PDS5A: variants seen among roughly 807,000 people sequenced by gnomAD.
The protein encoded by PDS5A is sister chromatid cohesion protein PDS5 homolog A.
A neutral mutation model predicts 167.1 loss-of-function variants in PDS5A; 42 were observed. The ratio of observed to expected loss-of-function variants is 0.25; its 90% CI spans 0.20 to 0.33. PDS5A has a LOEUF of 0.33. PDS5A is among the 10% of genes least tolerant of loss of function. The pLI, the probability that PDS5A is intolerant of heterozygous loss-of-function variation, is 1.00. For missense variants in PDS5A, 1,033 were observed against 1,605.9 expected (o/e 0.64, Z 6.10); for synonymous variants, 553 against 554.6 (o/e 1.00, Z 0.04).
At chr4:39,842,108 ACT>A (rs2109495886) in intron 30 of PDS5A, 52 bp from the exon 31 acceptor site, 1 of 1,143,676 alleles carries the variant, frequency 8.7e-7, no homozygotes, top group East Asian at 2.3e-5. Context: ...GAGAAAGTTC[ACT>A]CTCTCACCGT....
At chr4:39,953,460 G>A (rs1434789275) in intron 2 of PDS5A, among the ~76,000 whole-genome samples, 1 of 151,162 alleles carries the variant, frequency 6.6e-6, no homozygotes, top group African/African-American at 2.4e-5. Flanking sequence ...ACTGGGAGTG[G>A]TGGCTCACAA....
At chr4:39,835,711 T>A (rs50297) in intron 32 of PDS5A, among the ~76,000 whole-genome samples, 2 of 151,944 alleles carry the variant, frequency 1.3e-5, no homozygotes, top group African/African-American at 4.8e-5. Flanking sequence ...TTAGTAGAAA[T>A]GGGGTTTCTC....
intron 5 of PDS5A, among the ~76,000 whole-genome samples, chr4:39,924,256 C>A (rs529857394): frequency 1.8e-4 from 27 of 152,080 alleles, no homozygotes; most frequent in Non-Finnish European, 3.1e-4. Flanking sequence ...AAATCCAACC[C>A]AAATAAAATC....
At position 39,838,097 on chromosome 4, in the gene PDS5A, C is replaced by T; in HGVS notation, c.3769G>A (p.Val1257Ile). The T allele has an allele frequency of 6.2e-7, 1 of 1,613,908 alleles. No individual in the cohort carries two copies. Reference sequence around the variant, plus strand: ...GGGGCGGGAGGTCCCGATTCATCTACTTTCTCATCTGTTTTTTGTTGGATA... The same window carrying T: ...GGGGCGGGAGGTCCCGATTCATCTATTTTCTCATCTGTTTTTTGTTGGATA... ...ENIQQKTDEK[V>I]DESGPPAPSK... Residue 1257 changes from valine (V) to isoleucine (I), a missense_variant, in exon 32 of 33, where the codon GTA becomes ATA. By Grantham distance (29) the Val-to-Ile change is conservative. Coordinates refer to ENST00000303538, the MANE Select transcript of PDS5A (RefSeq NM_001100399.2).
At chr4:39,973,527 AT>A in intron 2 of PDS5A, 1 of 1,336,246 alleles carries the variant, frequency 7.5e-7, no homozygotes. Context: ...AGTTTTCTCC[AT>A]TTGGTACAAT....
At chr4:39,883,443 A>G (rs1365057936) in intron 17 of PDS5A, among the ~76,000 whole-genome samples, 1 of 152,194 alleles carries the variant, frequency 6.6e-6, no homozygotes, top group Non-Finnish European at 1.5e-5. Flanking sequence ...GGCCTCCCAA[A>G]GTGTTGGGAT....
intron 2 of PDS5A, among the ~76,000 whole-genome samples, chr4:39,963,682 A>C (rs959464380): frequency 1.3e-5 from 2 of 151,982 alleles, no homozygotes; most frequent in Admixed American, 1.3e-4. Context: ...AACTATAAAA[A>C]TTAGCCCAGC....
At chr4:39,919,383 C>T (rs35833876) in intron 7 of PDS5A, among the ~76,000 whole-genome samples, 11,123 of 152,234 alleles carry the variant, frequency 0.073, 454 homozygotes, top group Middle Eastern at 0.14. Flanking sequence ...CGGTGGCTCA[C>T]GCCTGTAATC....
rs1716572500 is a variant in PDS5A, at chr4:39,837,846, C to T, written c.4010+10G>A. 5 of 1,578,804 alleles carry T rather than the reference C, an allele frequency of 3.2e-6. No homozygotes were observed. Among genetic ancestry groups the T allele is most frequent in the East Asian group, 2.2e-5 (1 of 44,668 alleles). On this transcript the variant is annotated intron_variant, in intron 32 of 32. Coordinates refer to ENST00000303538, the MANE Select transcript of PDS5A (RefSeq NM_001100399.2). ...TAAATTCCCACTTGAGGAAGAATGG[C>T]GTACATTACCTTTGTAAGTCAATTT...
chr4:39,963,289 G>C (rs1729666281), intron 2 of PDS5A, among the ~76,000 whole-genome samples: 1 of 151,946 alleles, frequency 6.6e-6, no homozygotes, highest in Non-Finnish European at 1.5e-5. Context: ...TACTCCATCT[G>C]TATTAAAATA....
At chr4:39,920,274 T>C (rs1384894578) in intron 7 of PDS5A, 45 bp downstream of exon 7, 2 of 831,436 alleles carry the variant, frequency 2.4e-6, no homozygotes, top group African/African-American at 3.5e-5. Context: ...ATACAATGGA[T>C]TAAGAATTAC....
intron 5 of PDS5A, 49 bp downstream of exon 5, chr4:39,925,787 A>G: frequency 1.4e-6 from 1 of 693,080 alleles, no homozygotes; most frequent in Non-Finnish European, 2.4e-6. Context: ...ACATCTGAAT[A>G]CATAATCAAG....
At chr4:39,957,786 CAAAAAAAAAAA>C (rs34253629) in intron 2 of PDS5A, among the ~76,000 whole-genome samples, 2 of 87,770 alleles carry the variant, frequency 2.3e-5, no homozygotes, top group South Asian at 7.3e-4. Flanking sequence ...GACTCCATCT[CAAAAAAAAAAA>C]AAAAAAAAAG....
intron 4 of PDS5A, 35 bp downstream of exon 4, chr4:39,926,740 A>C: frequency 7.9e-7 from 1 of 1,262,364 alleles, no homozygotes; most frequent in South Asian, 1.7e-5. Context: ...CATGTGAAAT[A>C]ATGTTAATAG....
intron 17 of PDS5A, among the ~76,000 whole-genome samples, chr4:39,889,831 C>CG (rs1387841310): frequency 3.9e-5 from 6 of 152,142 alleles, no homozygotes; most frequent in African/African-American, 1.4e-4. Context: ...TAAAGATAAT[C>CG]CTCTCCTCTT....
chr4:39,846,078 C>A, intron 28 of PDS5A, 198 bp from the exon 29 acceptor site: 1 of 395,646 alleles, frequency 2.5e-6, no homozygotes, highest in Non-Finnish European at 4.0e-6. Context: ...AAACTGATGG[C>A]ACGCAGACTT....
intron 26 of PDS5A, among the ~76,000 whole-genome samples, chr4:39,861,376 T>G (rs1260184086): frequency 1.3e-5 from 2 of 152,048 alleles, no homozygotes; most frequent in Non-Finnish European, 2.9e-5. Flanking sequence ...GAGAATCACT[T>G]GAACTAGGGA....
chr4:39,916,922 GA>G, intron 8 of PDS5A, 125 bp downstream of exon 8: 1 of 486,768 alleles, frequency 2.1e-6, no homozygotes. Context: ...TACAGTTACA[GA>G]AAAATTATGC....
intron 17 of PDS5A, among the ~76,000 whole-genome samples, chr4:39,883,460 C>T (rs1721139760): frequency 6.6e-6 from 1 of 152,192 alleles, no homozygotes. Flanking sequence ...GGATTACAGG[C>T]GTGAGCCACC....
Sources: allele counts gnomAD v4.1 joint callset (sites outside exome capture counted in the v4.1 genomes callset), GRCh38; gene constraint gnomAD v4.1.1; transcripts MANE v1.5; gene names NCBI Gene and HGNC (gene_info 2026-07-23, HGNC 2026-07-21).